Variants in WWOX observed in about 807,000 individuals in gnomAD.
WWOX encodes the protein WW domain containing oxidoreductase, also known as WW domain-containing oxidoreductase.
A neutral mutation model predicts 46.2 loss-of-function variants in WWOX; 69 were observed. The ratio of observed to expected loss-of-function variants is 1.49; its 90% CI spans 1.23 to 1.82. WWOX has a LOEUF of 1.82. WWOX is among the 40% of genes most tolerant of loss of function. WWOX has a pLI of 0.00. For synonymous variants in WWOX, 359 were observed against 202.6 expected (o/e 1.77, Z -6.56); for missense variants, 919 against 542.6 (o/e 1.69, Z -6.89).
At position 78,345,452 on chromosome 16, in the gene WWOX, C is replaced by G. The variant is rs576435757; in HGVS notation, c.517-41408C>G. 1.5e-4 allele frequency among the ~76,000 whole-genome samples: 6 copies of G among 39,466 alleles called. 1 individual carries two copies. Among genetic ancestry groups the G allele is most frequent in the Admixed American group, 3.3e-4 (1 of 2,986 alleles). The allele number at this position is 39,466 out of a possible 152,430, so 25.9% of individuals were successfully genotyped here. On this transcript the variant is annotated intron_variant, in intron 5 of 8. Transcript: ENST00000566780. ...CCTGAGCACCATGGCAAAACCCCAT[C>G]GCTACCAAAAAAAAAAAAAAAAAAA... is the stretch of plus-strand genomic sequence containing the variant.
intron 8 of WWOX, among the ~76,000 whole-genome samples, chr16:78,926,179 G>C (rs1025365912): frequency 2.6e-5 from 4 of 152,114 alleles, no homozygotes; most frequent in African/African-American, 9.7e-5. Flanking sequence ...TTTGAGACCA[G>C]CCTGGGTAAC....
intron 8 of WWOX, among the ~76,000 whole-genome samples, chr16:78,885,698 C>T (rs766421521): frequency 6.6e-6 from 1 of 151,874 alleles, no homozygotes. Flanking sequence ...AGGGATAACT[C>T]AATACATTAA....
intron 8 of WWOX, among the ~76,000 whole-genome samples, chr16:78,646,852 TCTG>T (rs903887519): frequency 6.6e-6 from 1 of 152,156 alleles, no homozygotes; most frequent in African/African-American, 2.4e-5. Context: ...CGAAACTAAC[TCTG>T]CTGTGTCACG....
chr16:78,458,331 G>A (rs952880802), intron 8 of WWOX, among the ~76,000 whole-genome samples: 1 of 149,000 alleles, frequency 6.7e-6, no homozygotes, highest in African/African-American at 2.5e-5. Context: ...CGTGATCACA[G>A]CTCACTGCAG....
chr16:78,478,151 T>C (rs1189781860), intron 8 of WWOX, among the ~76,000 whole-genome samples: 1 of 152,216 alleles, frequency 6.6e-6, no homozygotes, highest in African/African-American at 2.4e-5. Context: ...TATGTACGGT[T>C]TAAAGTGTAA....
intron 8 of WWOX, among the ~76,000 whole-genome samples, chr16:79,046,397 A>T (rs1234525539): frequency 6.6e-6 from 1 of 152,154 alleles, no homozygotes; most frequent in East Asian, 1.9e-4. Context: ...GGCTGCTGTG[A>T]CAAAAGTATC....
intron 8 of WWOX, among the ~76,000 whole-genome samples, chr16:78,730,792 GAC>G (rs1389960894): frequency 6.6e-6 from 1 of 151,934 alleles, no homozygotes; most frequent in Non-Finnish European, 1.5e-5. Flanking sequence ...AAAAAAAAGT[GAC>G]ACAGTTTTCT....
At chr16:78,557,357 G>A (rs561123864) in intron 8 of WWOX, among the ~76,000 whole-genome samples, 10 of 152,202 alleles carry the variant, frequency 6.6e-5, no homozygotes, top group Non-Finnish European at 1.0e-4. Flanking sequence ...TCCGCCCCCC[G>A]CACCGGGCTC....
intron 8 of WWOX, chr16:79,016,150 A>G (rs1282029727): frequency 6.6e-6 from 1 of 152,208 alleles, no homozygotes; most frequent in East Asian, 1.9e-4. Flanking sequence ...ATTACCTCCA[A>G]AAGGCCCTGA....
At chr16:78,271,380 T>C (rs1409603142) in intron 5 of WWOX, among the ~76,000 whole-genome samples, 1 of 152,210 alleles carries the variant, frequency 6.6e-6, no homozygotes, top group Non-Finnish European at 1.5e-5. Flanking sequence ...ATAACCACAG[T>C]GTGCTGAGGT....
chr16:78,479,144 A>G (rs2084427593), intron 8 of WWOX, among the ~76,000 whole-genome samples: 1 of 152,228 alleles, frequency 6.6e-6, no homozygotes, highest in Non-Finnish European at 1.5e-5. Context: ...CATCTTGGAA[A>G]GCAGAGAAAG....
intron 8 of WWOX, among the ~76,000 whole-genome samples, chr16:78,845,610 C>T (rs972745098): frequency 6.6e-6 from 1 of 152,096 alleles, no homozygotes; most frequent in African/African-American, 2.4e-5. Flanking sequence ...CGTAATAGTC[C>T]ATAATTTATA....
chr16:78,302,015 C>T (rs2080050467), intron 5 of WWOX, among the ~76,000 whole-genome samples: 1 of 150,924 alleles, frequency 6.6e-6, no homozygotes, highest in Non-Finnish European at 1.5e-5. Flanking sequence ...GGCTGGAGTG[C>T]GATGGCACAA....
chr16:78,244,652 A>G (rs2037760601), intron 5 of WWOX, among the ~76,000 whole-genome samples: 1 of 152,144 alleles, frequency 6.6e-6, no homozygotes, highest in African/African-American at 2.4e-5. Flanking sequence ...CCTGGAAGAA[A>G]CCCATTTGTT....
At chr16:78,789,875 C>T (rs1048989537) in intron 8 of WWOX, among the ~76,000 whole-genome samples, 2 of 152,114 alleles carry the variant, frequency 1.3e-5, no homozygotes, top group Non-Finnish European at 2.9e-5. Flanking sequence ...TGGTTAGGAT[C>T]TTGGGCTTCC....
At chr16:78,388,708 GCC>G (rs2151935520) in intron 6 of WWOX, among the ~76,000 whole-genome samples, 1 of 141,560 alleles carries the variant, frequency 7.1e-6, no homozygotes, top group South Asian at 2.3e-4. Context: ...GGTGGCTCAC[GCC>G]TGTAATCCCA....
chr16:79,212,201 T>TTAGGGAAGA lies in WWOX; in HGVS notation c.*406_*414dup, dbSNP rs1315273568. 1 of 1,452,428 alleles carries TTAGGGAAGA rather than the reference T, an allele frequency of 6.9e-7. No homozygotes were observed. The highest frequency in any genetic ancestry group is 2.5e-5 in the East Asian group (1 of 40,416). 90.0% of individuals were successfully genotyped at this position (1,452,428 alleles called of 1,614,324 possible). ...CAGCCGGGGGCTGGCCTTCTCCTAC[T>TTAGGGAAGA]TAGGGAAGAAAAAGCAAGTGTTCAC... On this transcript the variant is annotated 3_prime_UTR_variant, in exon 9 of 9. Transcript: ENST00000566780.
At chr16:78,331,802 T>C (rs1264243063) in intron 5 of WWOX, among the ~76,000 whole-genome samples, 2 of 151,632 alleles carry the variant, frequency 1.3e-5, no homozygotes, top group African/African-American at 4.8e-5. Flanking sequence ...CTTTGTGGCA[T>C]ATGCATTGGC....
At chr16:78,490,870 T>G (rs1394762899) in intron 8 of WWOX, among the ~76,000 whole-genome samples, 1 of 152,126 alleles carries the variant, frequency 6.6e-6, no homozygotes, top group Non-Finnish European at 1.5e-5. Flanking sequence ...TTTGCTCTAC[T>G]GCAAAACAGG....
Sources: gnomAD v4.1 joint callset for allele counts (sites outside exome capture counted in the v4.1 genomes callset) on GRCh38, gnomAD v4.1.1 for gene constraint, MANE v1.5 for transcripts, NCBI Gene and HGNC (gene_info 2026-07-23, HGNC 2026-07-21) for gene names.